The following TUBGCP6 variants were observed in gnomAD, a reference collection of about 807,000 sequenced individuals.
TUBGCP6 encodes the protein tubulin gamma complex component 6.
In TUBGCP6, 161 loss-of-function variants were observed where a neutral mutation model predicts 175.8. The observed-to-expected ratio is 0.92, with a 90% CI of 0.81 to 1.04. TUBGCP6 has a LOEUF of 1.04. Ranked by LOEUF, TUBGCP6 falls within the 50% of genes least tolerant of loss-of-function variation. TUBGCP6 has a pLI of 0.00. For synonymous variants in TUBGCP6, 1,173 were observed against 1,030.5 expected (o/e 1.14, Z -2.65); for missense variants, 2,572 against 2,433.0 (o/e 1.06, Z -1.20).
intron 2 of TUBGCP6, among the ~76,000 whole-genome samples, chr22:50,239,492 T>C (rs1015486992): frequency 2.6e-5 from 4 of 152,200 alleles, no homozygotes; most frequent in Admixed American, 1.3e-4. Flanking sequence ...GCATATTCTC[T>C]GCCTGGGTTC....
chr22:50,231,875 GA>G (rs965669391), intron 3 of TUBGCP6, among the ~76,000 whole-genome samples: 1 of 123,090 alleles, frequency 8.1e-6, no homozygotes, highest in African/African-American at 3.0e-5. Flanking sequence ...AAAAAAAAAA[GA>G]AAAGATGACT....
chr22:50,222,525 A>C lies in TUBGCP6; in HGVS notation c.2338T>G (p.Trp780Gly). ...EAARREQKAL[W>G]RIQRHRLESA... ...TCCAGTCGGTGCCTCTGGATTCTCC[A>C]CAGTGCCTTCTGCTCCCGACGAGCT... The change falls in exon 14 of 25, where the codon TGG becomes GGG. Residue 780 changes from tryptophan to glycine, a missense_variant. Physicochemically the swap from Trp to Gly is radical, Grantham distance 184. Coordinates refer to ENST00000248846, the MANE Select transcript of TUBGCP6 (RefSeq NM_020461.4). 6.2e-7 allele frequency: 1 copy of C among 1,613,780 alleles called. No individual in the cohort carries two copies. Among genetic ancestry groups the C allele is most frequent in the South Asian group, 1.1e-5 (1 of 91,084 alleles).
Position 50,227,072 on chromosome 22 carries a change from A to G in TUBGCP6, c.1418T>C (p.Leu473Pro). 1.2e-6 allele frequency: 2 copies of G among 1,610,934 alleles called. No homozygotes were observed. Among genetic ancestry groups the G allele is most frequent in the Non-Finnish European group, 1.7e-6 (2 of 1,178,966 alleles). ...AGCGCCAACGCCACAGAGCTCGGCC[A>G]GGTACCTAGACCCAGAGGCAGGATG... ...FKKLGRQLRY[L>P]AELCGVGAVL... is the part of the protein sequence containing the mutation. Residue 473 changes from leucine (L) to proline (P), a missense_variant, in exon 6 of 25, where the codon CTG becomes CCG. Transcript: ENST00000248846.
chr22:50,225,824 G>C lies in TUBGCP6; in HGVS notation c.1953C>G (p.Ala651=). The C allele has an allele frequency of 6.2e-7, 1 of 1,613,626 alleles. No homozygotes were observed. Among genetic ancestry groups the C allele is most frequent in the Non-Finnish European group, 8.5e-7 (1 of 1,179,890 alleles). ...AVYVGRMERV[A]RHSSVSKEEK... ...CCTCCTTGCTGACAGAGCTGTGGCG[G>C]GCCACCCTCTCCATGCGCCCAACGT... The change falls in exon 10 of 25, where the codon GCC becomes GCG. Residue 651 remains alanine, a synonymous_variant. Transcript: ENST00000248846.
chr22:50,221,272 CA>C lies in TUBGCP6; in HGVS notation c.3086del (p.Val1029GlyfsTer15). On this transcript the variant is annotated frameshift_variant, in exon 16 of 25. Coordinates refer to ENST00000248846, the MANE Select transcript of TUBGCP6 (RefSeq NM_020461.4). LOFTEE classifies it high-confidence loss of function. ...SQPTERLFGQVSGGGLPTGDY... is the reference protein window; with the variant it reads ...SQPTERLFGQXSGGGLPTGDY... The stretch of plus-strand genomic sequence containing the variant: ...CCCCTGTGGGAAGACCACCCCCTGA[CA>C]CCTGCCCAAAGAGCCGCTCTGTGGG... 1 of 1,614,056 alleles carries C rather than the reference CA, an allele frequency of 6.2e-7. No individual in the cohort carries two copies. Among genetic ancestry groups the C allele is most frequent in the Non-Finnish European group, 8.5e-7 (1 of 1,180,046 alleles).
chr22:50,244,485 G>A lies in TUBGCP6; in HGVS notation c.-26C>T. ...GCCCCTTCTCAGCTCCGGGCCCCCGGCGTGTGGGAAAACACCTCACCCGGG... is the reference window on the plus strand; with the variant it reads ...GCCCCTTCTCAGCTCCGGGCCCCCGACGTGTGGGAAAACACCTCACCCGGG... On this transcript the variant is annotated 5_prime_UTR_variant, in exon 1 of 25. Transcript: ENST00000248846. The A allele has an allele frequency of 5.7e-6, 9 of 1,586,772 alleles. No individual in the cohort carries two copies. The highest frequency in any genetic ancestry group is 7.7e-6 in the Non-Finnish European group (9 of 1,167,454).
chr22:50,217,909 GGGCCTCACCTTTGAAGA>G lies in TUBGCP6; in HGVS notation c.5360_5368+8del. 6.2e-7 allele frequency: 1 copy of G among 1,605,662 alleles called. No individual in the cohort carries two copies. The highest frequency in any genetic ancestry group is 8.5e-7 in the Non-Finnish European group (1 of 1,175,014). ...CCCCCGCAGCCCTCCCAGCCAGGGTGGGCCTCACCTTTGAAGAGAAAGTGGGAGTAGTACTTGAAGGT... is the reference window on the plus strand; with the variant it reads ...CCCCCGCAGCCCTCCCAGCCAGGGTGGAAAGTGGGAGTAGTACTTGAAGGT... On this transcript the variant is annotated splice_donor_variant and splice_donor_5th_base_variant and coding_sequence_variant and intron_variant, in exon 24 of 25. Transcript: ENST00000248846. LOFTEE classifies it high-confidence loss of function.
At chr22:50,225,121 G>A (rs1377454097) in intron 10 of TUBGCP6, among the ~76,000 whole-genome samples, 1 of 145,318 alleles carries the variant, frequency 6.9e-6, no homozygotes, top group Non-Finnish European at 1.5e-5. Flanking sequence ...CCATGGACGG[G>A]AGCTGACCGG....
At chr22:50,239,246 G>T (rs955292663) in intron 2 of TUBGCP6, among the ~76,000 whole-genome samples, 1 of 151,904 alleles carries the variant, frequency 6.6e-6, no homozygotes, top group South Asian at 2.1e-4. Flanking sequence ...GTGCAATCTC[G>T]GCTCACTGCA....
rs2064437949 is a variant in TUBGCP6 at position 50,217,717 on chromosome 22, C to CG, written c.*18dup. 3 of 1,610,260 alleles carry CG rather than the reference C, an allele frequency of 1.9e-6. No homozygotes were observed. In the African/African-American group the frequency reaches 4.0e-5, roughly 22 times the overall value. The stretch of plus-strand genomic sequence containing the variant: ...GGTCCGAGAACACCTTTATTGTGCA[C>CG]GTCCCCCGCAGAGCAGCCTCAGGCG... On this transcript the variant is annotated 3_prime_UTR_variant, in exon 25 of 25. Transcript: ENST00000248846.
rs762526646 is a variant in TUBGCP6, at chr22:50,244,088, T to C, written c.372A>G (p.Gln124=). The C allele has an allele frequency of 6.2e-7, 1 of 1,613,896 alleles. No homozygotes were observed. ...LVQLAGSGPP[Q]VLPRKRDYFL... is the part of the protein sequence containing the mutation. ...AGTAGTCTCGTTTTCTCGGCAGAAC[T>C]TGAGGGGGACCACTCCCTGCCAGCT... Residue 124 remains glutamine, a synonymous_variant, in exon 1 of 25, where the codon CAA becomes CAG. Coordinates refer to ENST00000248846, the MANE Select transcript of TUBGCP6 (RefSeq NM_020461.4).
rs2064886342 is a variant in TUBGCP6, at chr22:50,244,137, C to T, written c.323G>A (p.Gly108Glu). ...AAPCCPLLEV[G>E]SVLDLLVQLA... ...CTGAACCAGGAGGTCCAAAACAGAC[C>T]CCACCTCCAAAAGCGGACAGCAAGG... is the stretch of plus-strand genomic sequence containing the variant. The change falls in exon 1 of 25, where the codon GGG becomes GAG. Residue 108 changes from glycine (G) to glutamate (E), a missense_variant. Gly to Glu is a moderately conservative substitution (Grantham distance 98). Coordinates refer to ENST00000248846, the MANE Select transcript of TUBGCP6 (RefSeq NM_020461.4). The T allele has an allele frequency of 1.2e-6, 2 of 1,613,568 alleles. No homozygotes were observed. Among genetic ancestry groups the T allele is most frequent in the Non-Finnish European group, 8.5e-7 (1 of 1,180,038 alleles).
chr22:50,229,536 TGA>T lies in TUBGCP6; in HGVS notation c.1156_1157del (p.Ser386ArgfsTer180). On this transcript the variant is annotated frameshift_variant, in exon 4 of 25. Coordinates refer to ENST00000248846, the MANE Select transcript of TUBGCP6 (RefSeq NM_020461.4). LOFTEE classifies it high-confidence loss of function. ...TGCTGATGCTCTCGGGAGACGCTCC[TGA>T]CACGTGGACGCCCCGCTTCACCACA... ...AFVVKRGVHV[S>X]GASPESISSL... 6.2e-7 allele frequency: 1 copy of T among 1,604,476 alleles called. No homozygotes were observed. Among genetic ancestry groups the T allele is most frequent in the Non-Finnish European group, 8.5e-7 (1 of 1,176,024 alleles).
rs138563998 is a variant in TUBGCP6 at position 50,222,629 on chromosome 22, G to A, written c.2271-37C>T. 783 of 1,601,250 alleles carry A rather than the reference G, an allele frequency of 4.9e-4. 3 individuals carry two copies. The African/African-American group carries it at 8.6e-3, about 18-fold the overall frequency. ...CACCAGAGAGGACACGGCCACAAGA[G>A]TCACCCCACCCCATCTACCTGGCAC... On this transcript the variant is annotated intron_variant, in intron 13 of 24. Coordinates refer to ENST00000248846, the MANE Select transcript of TUBGCP6 (RefSeq NM_020461.4).
At position 50,243,946 on chromosome 22, in the gene TUBGCP6, G is replaced by A; in HGVS notation, c.514C>T (p.His172Tyr). ...SLISREECLC[H>Y]SMIQETLQVM... ...TGAAGTGTTTCCTGGATCATGCTGT[G>A]ACACAAACACTCTTCTCTGGAGATC... Residue 172 changes from histidine to tyrosine, a missense_variant, in exon 1 of 25, where the codon CAC (histidine) becomes TAC (tyrosine). Transcript: ENST00000248846. The A allele has an allele frequency of 6.2e-7, 1 of 1,614,124 alleles. No individual in the cohort carries two copies.
chr22:50,244,180 C>T lies in TUBGCP6; in HGVS notation c.280G>A (p.Glu94Lys). 6.2e-7 allele frequency: 1 copy of T among 1,613,358 alleles called. No individual in the cohort carries two copies. Among genetic ancestry groups the T allele is most frequent in the Non-Finnish European group, 8.5e-7 (1 of 1,180,048 alleles). The change falls in exon 1 of 25, where the codon GAG becomes AAG. Residue 94 changes from glutamate to lysine, a missense_variant. By Grantham distance (56) the Glu-to-Lys change is moderately conservative (BLOSUM62 1). Transcript: ENST00000248846. ...PKADRLEELV[E>K]ELEAAPCCPL... ...CAGCAAGGGGCTGCTTCCAGCTCCTCCACAAGCTCCTCCAAACGGTCGGCC... is the reference window on the plus strand; with the variant it reads ...CAGCAAGGGGCTGCTTCCAGCTCCTTCACAAGCTCCTCCAAACGGTCGGCC...
At chr22:50,219,586 C>T in intron 18 of TUBGCP6, 58 bp downstream of exon 18, 1 of 1,598,938 alleles carries the variant, frequency 6.3e-7, no homozygotes, top group Non-Finnish European at 8.5e-7. Context: ...GGAGGTGGAG[C>T]ACGTGCTGGG....
chr22:50,238,561 G>A (rs1218940854), intron 2 of TUBGCP6, among the ~76,000 whole-genome samples: 26 of 147,264 alleles, frequency 1.8e-4, no homozygotes, highest in African/African-American at 5.7e-4. Context: ...TTTTTGAGAC[G>A]GAGTCTCGCT....
At position 50,219,774 on chromosome 22, in the gene TUBGCP6, C is replaced by A. The variant is rs115418729; in HGVS notation, c.4185G>T (p.Gln1395His). The change falls in exon 18 of 25, where the codon CAG becomes CAT. Residue 1395 changes from glutamine (Q) to histidine (H), a missense_variant. Transcript: ENST00000248846. ...CCTCCTCACCACGGCCTGGGCTGCT[C>A]TGGGCAGCTGTGTCTTCCTAACAAA... ...PLNSQEDTAA[Q>H]SSPGRGEEAE... 5.8e-4 allele frequency: 935 copies of A among 1,613,616 alleles called. 6 individuals carry two copies. In the African/African-American group the frequency reaches 0.011, roughly 19 times the overall value.
Sources: allele counts gnomAD v4.1 joint callset (sites outside exome capture counted in the v4.1 genomes callset), GRCh38; gene constraint gnomAD v4.1.1; transcripts MANE v1.5; gene names NCBI Gene and HGNC (gene_info 2026-07-23, HGNC 2026-07-21).